The following AGRN variants were observed in gnomAD, a reference collection of about 807,000 sequenced individuals.
The protein encoded by AGRN is agrin proteoglycan.
AGRN carries 106 observed loss-of-function variants against 211.0 expected under a neutral mutation model. The ratio of observed to expected loss-of-function variants is 0.50; its 90% CI spans 0.43 to 0.59. The LOEUF (loss-of-function observed/expected upper bound fraction) is 0.59, where lower values mean the gene tolerates loss of function less well. AGRN is among the 20% of genes least tolerant of loss of function. The pLI, the probability that AGRN is intolerant of heterozygous loss-of-function variation, is 0.00. For synonymous variants in AGRN, 1,525 were observed against 1,332.5 expected, an observed-to-expected ratio of 1.14 and a Z score of -3.15; for missense variants, 3,040 against 2,982.6, an observed-to-expected ratio of 1.02 and a Z score of -0.45.
intron 34 of AGRN, 130 bp downstream of exon 34, chr1:1,054,107 GC>G: frequency 1.0e-6 from 1 of 1,004,646 alleles, no homozygotes; most frequent in Non-Finnish European, 1.5e-6. Flanking sequence ...CGAGGTCACT[GC>G]CAGTGGGAGG....
In AGRN at chr1:1,046,606, G is replaced by A. The variant is rs779698930; in HGVS notation, c.3121G>A (p.Val1041Met). 1.2e-5 allele frequency: 19 copies of A among 1,604,754 alleles called. No homozygotes were observed. Among genetic ancestry groups the A allele is most frequent in the Non-Finnish European group, 1.5e-5 (18 of 1,179,460 alleles). Residue 1041 changes from valine (V) to methionine (M), a missense_variant, in exon 18 of 36, where the codon GTG becomes ATG. Around this residue, in one of 3 missense-constraint regions of AGRN, gnomAD observed 1,537 missense variants for 1,505.0 expected, o/e 1.02. Coordinates refer to ENST00000379370, the MANE Select transcript of AGRN (RefSeq NM_198576.4). ...PRTTVWPVLT[V>M]PPTAPSPAPS... ...GACCACCGTGTGGCCCGTGCTGACGGTGCCCCCCACGGCACCCTCCCCTGC... is the reference window on the plus strand; with the variant it reads ...GACCACCGTGTGGCCCGTGCTGACGATGCCCCCCACGGCACCCTCCCCTGC...
intron 2 of AGRN, among the ~76,000 whole-genome samples, chr1:1,030,509 C>T (rs111203425): frequency 1.2e-5 from 1 of 83,534 alleles, no homozygotes; most frequent in African/African-American, 4.9e-5. Context: ...GTGTGTGCAG[C>T]GCATGGTGCT....
At chr1:1,050,953 G>T in intron 30 of AGRN, 116 bp downstream of exon 30, 1 of 1,547,130 alleles carries the variant, frequency 6.5e-7, no homozygotes. Flanking sequence ...TCTCTTGGCC[G>T]CCTGCCCTGT....
At position 1,049,311 on chromosome 1, in the gene AGRN, G is replaced by A. The variant is rs1429554091; in HGVS notation, c.4374G>A (p.Glu1458=). Residue 1458 remains glutamate (E), a synonymous_variant, in exon 25 of 36, where the codon GAG becomes GAA. Coordinates refer to ENST00000379370, the MANE Select transcript of AGRN (RefSeq NM_198576.4). ...PVEPGQWHRL[E]LSRHWRRGTL... ...AGCCGGGCCAGTGGCACCGCCTGGA[G>A]CTGTCCCGGCACTGGCGCCGGGGCA... The A allele has an allele frequency of 6.3e-7, 1 of 1,597,654 alleles. No homozygotes were observed. The highest frequency in any genetic ancestry group is 1.3e-5 in the African/African-American group (1 of 74,814).
At chr1:1,047,148 TGAG>T (rs1189999657) in intron 19 of AGRN, 176 bp from the exon 20 acceptor site, 1 of 1,345,626 alleles carries the variant, frequency 7.4e-7, no homozygotes, top group East Asian at 2.5e-5. Context: ...CACACTGCTC[TGAG>T]GAGTCCTCCT....
At position 1,043,572 on chromosome 1, in the gene AGRN, C is replaced by T. The variant is rs142440782; in HGVS notation, c.1638C>T (p.Cys546=). The T allele has an allele frequency of 6.5e-5, 104 of 1,604,932 alleles. No homozygotes were observed. Among genetic ancestry groups the T allele is most frequent in the Non-Finnish European group, 7.7e-5 (91 of 1,179,800 alleles). Reference sequence around the variant, plus strand: ...GGCAGTGCCGCTTTGGAGCCCTGTGCGAGGCCGAGACCGGGCGCTGCGTGT... The same window carrying T: ...GGCAGTGCCGCTTTGGAGCCCTGTGTGAGGCCGAGACCGGGCGCTGCGTGT... ...RCGQCRFGAL[C]EAETGRCVCP... The change falls in exon 9 of 36, where the codon TGC becomes TGT. Residue 546 remains cysteine (C), a synonymous_variant. Transcript: ENST00000379370.
rs757759138 is a variant in AGRN at position 1,044,031 on chromosome 1, G to A, written c.1999+8G>A. 30 of 1,610,100 alleles carry A rather than the reference G, an allele frequency of 1.9e-5. No individual in the cohort carries two copies. Among genetic ancestry groups the A allele is most frequent in the African/African-American group, 4.0e-5 (3 of 74,918 alleles). On this transcript the variant is annotated splice_region_variant and intron_variant, in intron 10 of 35. Coordinates refer to ENST00000379370, the MANE Select transcript of AGRN (RefSeq NM_198576.4). ...CAGGGCCGTGCGAGCAGGGTAGGCC[G>A]GGGGACGCTGGCGAAAACTGCTGGG...
At chr1:1,038,420 G>A (rs534927752) in intron 3 of AGRN, among the ~76,000 whole-genome samples, 1 of 152,362 alleles carries the variant, frequency 6.6e-6, no homozygotes, top group South Asian at 2.1e-4. Context: ...CCCAGAGCTT[G>A]CTCTCCATGC....
At chr1:1,036,054 G>A (rs1201565385) in intron 3 of AGRN, among the ~76,000 whole-genome samples, 1 of 152,072 alleles carries the variant, frequency 6.6e-6, no homozygotes, top group Non-Finnish European at 1.5e-5. Context: ...TCCAGCAGGT[G>A]GGGAAGGAGC....
Position 1,031,160 on chromosome 1 carries a change from TTGTG to T in AGRN, c.464-4110_464-4107del, listed in dbSNP as rs1388842183. The stretch of plus-strand genomic sequence containing the variant: ...GTGCAGTGCATGGTGCTGTGTGAGA[TTGTG>T]TGTGTGCAGTGCATGGTGCTGAGTG... On this transcript the variant is annotated intron_variant, in intron 2 of 35. Coordinates refer to ENST00000379370, the MANE Select transcript of AGRN (RefSeq NM_198576.4). This position sits in a 1 kb window ranked among gnomAD's most constrained non-coding sequence, Gnocchi z 4.8. 2.5e-4 allele frequency among the ~76,000 whole-genome samples: 21 copies of T among 83,336 alleles called. No individual in the cohort carries two copies. The highest frequency in any genetic ancestry group is 1.4e-3 in the Admixed American group (10 of 7,374). The allele number at this position is 83,336 out of a possible 152,430, so 54.7% of individuals were successfully genotyped here.
chr1:1,049,282 G>A lies in AGRN; in HGVS notation c.4345G>A (p.Val1449Ile). 1.3e-6 allele frequency: 2 copies of A among 1,596,160 alleles called. No homozygotes were observed. Among genetic ancestry groups the A allele is most frequent in the Non-Finnish European group, 1.7e-6 (2 of 1,178,208 alleles). The change falls in exon 25 of 36, where the codon GTA becomes ATA. Residue 1449 changes from valine (V) to isoleucine (I), a missense_variant. Val to Ile is a conservative substitution (Grantham distance 29). Around this residue, in one of 3 missense-constraint regions of AGRN, gnomAD observed 1,537 missense variants for 1,505.0 expected, o/e 1.02. Coordinates refer to ENST00000379370, the MANE Select transcript of AGRN (RefSeq NM_198576.4). ...GPAVLTSAVP[V>I]EPGQWHRLEL... ...GGCGGTGCTGACCAGTGCCGTGCCG[G>A]TAGAGCCGGGCCAGTGGCACCGCCT...
chr1:1,032,018 G>C lies in AGRN; in HGVS notation c.464-3259G>C, dbSNP rs1174268855. On this transcript the variant is annotated intron_variant, in intron 2 of 35. Coordinates refer to ENST00000379370, the MANE Select transcript of AGRN (RefSeq NM_198576.4). The surrounding 1 kb of genome is among the most constrained non-coding windows in gnomAD (Gnocchi z 4.7). ...GGAGATAAAAAGTCAGACCCTGCCCGGGGCACCCACAGTCAGCACCGCCGG... is the reference window on the plus strand; with the variant it reads ...GGAGATAAAAAGTCAGACCCTGCCCCGGGCACCCACAGTCAGCACCGCCGG... Among the ~76,000 whole-genome samples, 1 of 152,200 alleles carries C rather than the reference G, an allele frequency of 6.6e-6. No homozygotes were observed. The highest frequency in any genetic ancestry group is 1.9e-4 in the East Asian group (1 of 5,194).
rs760176911 is a variant in AGRN, at chr1:1,051,265, G to T, written c.5266G>T (p.Val1756Phe). Reference sequence around the variant, plus strand: ...GGCGTCCCCGCAGGTTCCGCACACCGTCCTCAACCTGAAGGAGCCGCTCTA... The same window carrying T: ...GGCGTCCCCGCAGGTTCCGCACACCTTCCTCAACCTGAAGGAGCCGCTCTA... ...VLGESPVPHTVLNLKEPLYVG... is the reference protein window; with the variant it reads ...VLGESPVPHTFLNLKEPLYVG... Residue 1756 changes from valine (V) to phenylalanine (F), a missense_variant, in exon 31 of 36, where the codon GTC (valine) becomes TTC (phenylalanine). Val to Phe is a conservative substitution (Grantham distance 50). Coordinates refer to ENST00000379370, the MANE Select transcript of AGRN (RefSeq NM_198576.4). The T allele has an allele frequency of 1.3e-6, 2 of 1,581,418 alleles. No individual in the cohort carries two copies. The highest frequency in any genetic ancestry group is 2.3e-5 in the South Asian group (2 of 86,362).
At chr1:1,049,854 A>G (rs1339996609) in intron 26 of AGRN, 49 bp from the exon 27 acceptor site, 3 of 1,611,306 alleles carry the variant, frequency 1.9e-6, no homozygotes, top group African/African-American at 1.3e-5. Flanking sequence ...GCGGTACCCA[A>G]CCGACGCCTC....
At chr1:1,047,068 G>A (rs998096666) in intron 19 of AGRN, 111 bp downstream of exon 19, 7 of 1,499,882 alleles carry the variant, frequency 4.7e-6, no homozygotes, top group African/African-American at 1.4e-5. Flanking sequence ...CTTGGGACTC[G>A]GCCCCCTCAA....
intron 7 of AGRN, 100 bp from the exon 8 acceptor site, chr1:1,043,139 C>T (rs912887674): frequency 1.5e-6 from 2 of 1,318,388 alleles, no homozygotes; most frequent in Non-Finnish European, 2.1e-6. Flanking sequence ...CTTCCTCCAC[C>T]ATCCCCTCCC....
At position 1,056,002 on chromosome 1, in the gene AGRN, T is replaced by C. The variant is rs992776828; in HGVS notation, c.*1021T>C. ...ATCCCCACCCCCAGCCCCAGCCCAG[T>C]CCTCCTAGGAGCAGGACCCGATGAA... On this transcript the variant is annotated 3_prime_UTR_variant, in exon 36 of 36. Coordinates refer to ENST00000379370, the MANE Select transcript of AGRN (RefSeq NM_198576.4). The C allele has an allele frequency of 6.6e-6, 1 of 152,258 alleles. No homozygotes were observed. Among genetic ancestry groups the C allele is most frequent in the African/African-American group, 2.4e-5 (1 of 41,460 alleles). 9.4% of individuals were successfully genotyped at this position (152,258 alleles called of 1,614,324 possible). A position where few individuals can be genotyped will look rare whatever the true frequency, so the allele number is the denominator to read the frequency against.
chr1:1,021,665 G>A (rs990087301), intron 1 of AGRN, among the ~76,000 whole-genome samples: 3 of 152,248 alleles, frequency 2.0e-5, no homozygotes, highest in African/African-American at 7.2e-5. Context: ...AAGGTGGAGG[G>A]TGGGGCACCC....
chr1:1,024,462 C>T (rs2710888), intron 2 of AGRN, among the ~76,000 whole-genome samples: 46,511 of 151,910 alleles, frequency 0.31, 7,760 homozygotes, highest in Non-Finnish European at 0.37. Context: ...CATCTGACTC[C>T]GACCCCACCT....
Sources: gnomAD v4.1 joint callset for allele counts (sites outside exome capture counted in the v4.1 genomes callset) on GRCh38, gnomAD v4.1.1 for gene constraint, gnomAD v4.1.1 regional missense constraint, Gnocchi (gnomAD v3.1) non-coding constraint, MANE v1.5 for transcripts, NCBI Gene and HGNC (gene_info 2026-07-23, HGNC 2026-07-21) for gene names.